KHDRBS2: variants seen among roughly 807,000 people sequenced by gnomAD.
KHDRBS2 encodes KH RNA binding domain containing, signal transduction associated 2, also known as KH domain-containing, RNA-binding, signal transduction-associated protein 2.
A neutral mutation model predicts 44.3 loss-of-function variants in KHDRBS2; 26 were observed. The ratio of observed to expected loss-of-function variants is 0.59; its 90% CI spans 0.43 to 0.81. The LOEUF (loss-of-function observed/expected upper bound fraction) is 0.81. KHDRBS2 is among the 40% of genes least tolerant of loss of function. The pLI, the probability that KHDRBS2 is intolerant of heterozygous loss-of-function variation, is 0.00. For missense variants in KHDRBS2, 476 were observed against 433.1 expected, an observed-to-expected ratio of 1.10 and a Z score of -0.88; for synonymous variants, 194 against 151.1, an observed-to-expected ratio of 1.28 and a Z score of -2.08.
intron 6 of KHDRBS2, among the ~76,000 whole-genome samples, chr6:61,835,221 A>G (rs1162586241): frequency 6.6e-6 from 1 of 152,090 alleles, no homozygotes; most frequent in Non-Finnish European, 1.5e-5. Flanking sequence ...GGAGATGACA[A>G]CTTCAGACTA....
intron 3 of KHDRBS2, among the ~76,000 whole-genome samples, chr6:61,992,142 AG>A (rs1776257831): frequency 6.6e-6 from 1 of 152,194 alleles, no homozygotes; most frequent in Admixed American, 6.5e-5. Context: ...TGCTACTTTT[AG>A]CTTTTGAAAA....
At chr6:61,693,577 C>T (rs1259585763) in intron 8 of KHDRBS2, among the ~76,000 whole-genome samples, 1 of 152,118 alleles carries the variant, frequency 6.6e-6, no homozygotes. Context: ...GTAAAAATTG[C>T]TGCCTAATTA....
At chr6:61,860,536 C>A (rs1796781362) in intron 6 of KHDRBS2, among the ~76,000 whole-genome samples, 1 of 152,070 alleles carries the variant, frequency 6.6e-6, no homozygotes, top group Non-Finnish European at 1.5e-5. Context: ...CATGTCCCTG[C>A]AAAGGACATG....
intron 2 of KHDRBS2, among the ~76,000 whole-genome samples, chr6:62,063,388 C>A (rs913357311): frequency 2.0e-5 from 3 of 151,362 alleles, no homozygotes; most frequent in Non-Finnish European, 4.4e-5. Flanking sequence ...CAATAAAATA[C>A]TGGCAAACCG....
At chr6:61,632,142 A>G in the KHDRBS2 span, among the ~76,000 whole-genome samples, 1 of 152,174 alleles carries the variant, frequency 6.6e-6, no homozygotes, top group Non-Finnish European at 1.5e-5. Flanking sequence ...AGATAGGACT[A>G]TGTGAAAGGA....
At chr6:61,752,651 A>G (rs1316574093) in intron 6 of KHDRBS2, among the ~76,000 whole-genome samples, 2 of 120,570 alleles carry the variant, frequency 1.7e-5, no homozygotes, top group African/African-American at 3.2e-5. Flanking sequence ...GCCAGGCACT[A>G]TTCTAGTGAT....
downstream of KHDRBS2, among the ~76,000 whole-genome samples, chr6:61,675,087 T>G (rs1765848084): frequency 6.6e-6 from 1 of 151,772 alleles, no homozygotes; most frequent in South Asian, 2.1e-4. Context: ...TATGATAGAT[T>G]ATTATGAACC....
chr6:61,882,032 G>A (rs1800278505), intron 6 of KHDRBS2, among the ~76,000 whole-genome samples: 1 of 152,018 alleles, frequency 6.6e-6, no homozygotes, highest in Non-Finnish European at 1.5e-5. Flanking sequence ...ACAACATCCA[G>A]TACTACTGCA....
In KHDRBS2 at chr6:62,119,263, T is replaced by C. The variant is rs568728306; in HGVS notation, c.219+57922A>G. ...ATTCCTCATTCACTGCTCTTAAGAG[T>C]CAAGAAGTTTAGTGACTCTATACAT... is the stretch of plus-strand genomic sequence containing the variant. On this transcript the variant is annotated intron_variant, in intron 2 of 8. Coordinates refer to ENST00000281156, the MANE Select transcript of KHDRBS2 (RefSeq NM_152688.4). 6.6e-5 allele frequency among the ~76,000 whole-genome samples: 10 copies of C among 152,084 alleles called. No individual in the cohort carries two copies. In the South Asian group the frequency reaches 2.1e-3, roughly 32 times the overall value.
At chr6:61,590,398 A>T in the KHDRBS2 span, among the ~76,000 whole-genome samples, 2 of 152,172 alleles carry the variant, frequency 1.3e-5, no homozygotes, top group African/African-American at 4.8e-5. Context: ...GGTGACATTG[A>T]CCTTGGTGCA....
At chr6:61,731,089 C>T (rs1250100985) in intron 7 of KHDRBS2, among the ~76,000 whole-genome samples, 1 of 151,956 alleles carries the variant, frequency 6.6e-6, no homozygotes, top group Non-Finnish European at 1.5e-5. Context: ...CACTTTCTAT[C>T]AAGGGTTTCT....
At chr6:61,945,408 TTTA>T (rs1396090929) in intron 4 of KHDRBS2, among the ~76,000 whole-genome samples, 1 of 151,602 alleles carries the variant, frequency 6.6e-6, no homozygotes, top group Non-Finnish European at 1.5e-5. Flanking sequence ...AGAGGCAGAA[TTTA>T]TTACCACTTC....
chr6:61,976,646 A>G (rs1772733036), intron 4 of KHDRBS2, among the ~76,000 whole-genome samples: 1 of 152,170 alleles, frequency 6.6e-6, no homozygotes. Flanking sequence ...TAACTGTGAT[A>G]GAGGCTGGTC....
chr6:61,649,843 T>C, the KHDRBS2 span, among the ~76,000 whole-genome samples: 1 of 152,192 alleles, frequency 6.6e-6, no homozygotes, highest in South Asian at 2.1e-4. Flanking sequence ...TGTCTTCTTA[T>C]TTTGGTCATA....
the KHDRBS2 span, among the ~76,000 whole-genome samples, chr6:61,578,523 T>G: frequency 6.6e-6 from 1 of 152,274 alleles, no homozygotes; most frequent in East Asian, 1.9e-4. Flanking sequence ...GGTAAAATGT[T>G]CCAGATATCA....
chr6:62,106,216 A>T (rs1803248414), intron 2 of KHDRBS2, among the ~76,000 whole-genome samples: 1 of 151,982 alleles, frequency 6.6e-6, no homozygotes, highest in South Asian at 2.1e-4. Flanking sequence ...TCAATTTTGG[A>T]ATAGGTGTGG....
the KHDRBS2 span, among the ~76,000 whole-genome samples, chr6:61,639,825 G>A: frequency 1.3e-5 from 2 of 152,022 alleles, no homozygotes; most frequent in Admixed American, 1.3e-4. Flanking sequence ...TTGGAAAATG[G>A]TGTGACAACC....
chr6:62,077,991 A>G (rs2127351908), intron 2 of KHDRBS2, among the ~76,000 whole-genome samples: 1 of 152,192 alleles, frequency 6.6e-6, no homozygotes, highest in Admixed American at 6.6e-5. Flanking sequence ...AAAAGGCATC[A>G]TACCATACAT....
At chr6:61,638,598 C>G in the KHDRBS2 span, among the ~76,000 whole-genome samples, 1 of 152,106 alleles carries the variant, frequency 6.6e-6, no homozygotes, top group Non-Finnish European at 1.5e-5. Flanking sequence ...TAGGCATGGG[C>G]AAGGACTTCA....
Sources: allele counts gnomAD v4.1 joint callset (sites outside exome capture counted in the v4.1 genomes callset), GRCh38; gene constraint gnomAD v4.1.1; transcripts MANE v1.5; gene names NCBI Gene and HGNC (gene_info 2026-07-23, HGNC 2026-07-21).